The following CSMD1 variants were observed in gnomAD, a reference collection of about 807,000 sequenced individuals.
CSMD1 encodes the protein CUB and Sushi multiple domains 1.
In CSMD1, 213 loss-of-function variants were observed where a neutral mutation model predicts 417.5. The observed-to-expected ratio is 0.51, with a 90% CI of 0.46 to 0.57. CSMD1 has a LOEUF of 0.57. CSMD1 is among the 20% of genes least tolerant of loss of function. The pLI, the probability that CSMD1 is intolerant of heterozygous loss-of-function variation, is 0.00. For missense variants in CSMD1, 6,923 were observed against 4,529.7 expected (o/e 1.53, Z -15.17); for synonymous variants, 2,862 against 1,736.8 (o/e 1.65, Z -16.11).
intron 54 of CSMD1, among the ~76,000 whole-genome samples, chr8:2,991,655 TA>T (rs559002276): frequency 1.4e-4 from 22 of 152,124 alleles, no homozygotes; most frequent in African/African-American, 2.9e-4. Flanking sequence ...ATACCCTTTT[TA>T]AAAAAAAGCA....
chr8:4,284,854 A>G (rs879570853), intron 3 of CSMD1, among the ~76,000 whole-genome samples: 2 of 152,066 alleles, frequency 1.3e-5, no homozygotes, highest in Non-Finnish European at 2.9e-5. Context: ...AAAGAAACAA[A>G]AACAAAAAAA....
intron 2 of CSMD1, among the ~76,000 whole-genome samples, chr8:4,446,484 C>T (rs918937493): frequency 2.0e-5 from 3 of 152,172 alleles, no homozygotes; most frequent in African/African-American, 7.2e-5. Flanking sequence ...GAGACTGAGG[C>T]TGCAGGGATC....
intron 1 of CSMD1, among the ~76,000 whole-genome samples, chr8:4,909,338 C>T (rs185642982): frequency 1.8e-3 from 275 of 152,226 alleles, no homozygotes; most frequent in Admixed American, 1.7e-3. Context: ...TACCTCCTTG[C>T]CTTCTACTAC....
chr8:3,047,775 G>T (rs1028335984), intron 50 of CSMD1, among the ~76,000 whole-genome samples: 1 of 152,138 alleles, frequency 6.6e-6, no homozygotes, highest in African/African-American at 2.4e-5. Flanking sequence ...TAAACTACTT[G>T]CATGGACATT....
intron 1 of CSMD1, among the ~76,000 whole-genome samples, chr8:4,879,588 A>G (rs1000173347): frequency 1.3e-5 from 2 of 152,118 alleles, no homozygotes; most frequent in African/African-American, 4.8e-5. Context: ...TAAAACGAAG[A>G]AGAAAATAAG....
intron 3 of CSMD1, among the ~76,000 whole-genome samples, chr8:4,191,665 T>A (rs1799040118): frequency 1.3e-5 from 2 of 150,976 alleles, no homozygotes. Context: ...TATGTAAAAT[T>A]CATCAGATTG....
chr8:4,416,502 A>G lies in CSMD1; in HGVS notation c.415+3451T>C, dbSNP rs574366660. 7.2e-5 allele frequency among the ~76,000 whole-genome samples: 11 copies of G among 152,260 alleles called. No homozygotes were observed. In the East Asian group the frequency reaches 1.7e-3, roughly 24 times the overall value. On this transcript the variant is annotated intron_variant, in intron 3 of 69. Transcript: ENST00000635120. Reference sequence around the variant, plus strand: ...ATTGATATTTAGACTTTAGAACCAAAATAATGAACATTTTGAGTCTAAGAG... The same window carrying G: ...ATTGATATTTAGACTTTAGAACCAAGATAATGAACATTTTGAGTCTAAGAG...
At chr8:4,711,788 T>C (rs377675851) in intron 1 of CSMD1, among the ~76,000 whole-genome samples, 18 of 152,310 alleles carry the variant, frequency 1.2e-4, no homozygotes, top group East Asian at 7.7e-4. Flanking sequence ...TTGTTTTTAA[T>C]TTTCCTCACA....
intron 1 of CSMD1, among the ~76,000 whole-genome samples, chr8:4,705,306 A>C (rs943672033): frequency 6.6e-6 from 1 of 152,156 alleles, no homozygotes; most frequent in Non-Finnish European, 1.5e-5. Flanking sequence ...ATTAAAAATA[A>C]CACATAGTTC....
At chr8:4,607,163 C>G (rs920931240) in intron 2 of CSMD1, among the ~76,000 whole-genome samples, 2 of 151,978 alleles carry the variant, frequency 1.3e-5, no homozygotes, top group African/African-American at 2.4e-5. Flanking sequence ...AAAGCACGAT[C>G]CTTGTACTCA....
At chr8:3,786,787 G>C (rs188876103) in intron 5 of CSMD1, among the ~76,000 whole-genome samples, 1 of 152,144 alleles carries the variant, frequency 6.6e-6, no homozygotes, top group Non-Finnish European at 1.5e-5. Context: ...TTCCCCTTGC[G>C]TCCTCAGGTG....
At chr8:3,349,675 C>A (rs1241544675) in intron 21 of CSMD1, among the ~76,000 whole-genome samples, 1 of 148,648 alleles carries the variant, frequency 6.7e-6, no homozygotes, top group African/African-American at 2.5e-5. Flanking sequence ...CTGTAAAAAT[C>A]ATTTTAAAAG....
chr8:3,939,054 G>C (rs1161349718), intron 5 of CSMD1, among the ~76,000 whole-genome samples: 1 of 152,034 alleles, frequency 6.6e-6, no homozygotes, highest in Admixed American at 6.6e-5. Context: ...TAATTATTGA[G>C]CCAACAGTCT....
chr8:3,789,006 A>T (rs1799589235), intron 5 of CSMD1, among the ~76,000 whole-genome samples: 1 of 152,078 alleles, frequency 6.6e-6, no homozygotes, highest in Non-Finnish European at 1.5e-5. Context: ...ACTGTATTAC[A>T]CTCTTCCCAA....
At chr8:4,286,745 G>A (rs779126) in intron 3 of CSMD1, among the ~76,000 whole-genome samples, 151,566 of 152,300 alleles carry the variant, frequency 1, 75,424 homozygotes, top group Middle Eastern at 1. Context: ...AGCATCTGAT[G>A]CTTGATAAAT....
intron 2 of CSMD1, among the ~76,000 whole-genome samples, chr8:4,431,224 A>G (rs192612380): frequency 6.6e-6 from 1 of 152,292 alleles, no homozygotes; most frequent in East Asian, 1.9e-4. Context: ...TTATCTCAAC[A>G]ACATTAAAAA....
At chr8:4,447,090 C>G (rs1798860520) in intron 2 of CSMD1, among the ~76,000 whole-genome samples, 1 of 152,064 alleles carries the variant, frequency 6.6e-6, no homozygotes, top group South Asian at 2.1e-4. Flanking sequence ...GACAGCGTCT[C>G]TTTGGGAAAA....
intron 10 of CSMD1, among the ~76,000 whole-genome samples, chr8:3,574,403 G>T (rs761178142): frequency 1.3e-5 from 2 of 152,112 alleles, no homozygotes; most frequent in Non-Finnish European, 2.9e-5. Context: ...ACCAAGCCCA[G>T]CTAATTTTTG....
chr8:4,456,122 T>G (rs75283551), intron 2 of CSMD1, among the ~76,000 whole-genome samples: 1 of 149,032 alleles, frequency 6.7e-6, no homozygotes, highest in East Asian at 2.0e-4. Context: ...AAGAAGGACA[T>G]TATGCCAAAT....
Sources: gnomAD v4.1 joint callset for allele counts (sites outside exome capture counted in the v4.1 genomes callset) on GRCh38, gnomAD v4.1.1 for gene constraint, MANE v1.5 for transcripts, NCBI Gene and HGNC (gene_info 2026-07-23, HGNC 2026-07-21) for gene names.